Variants in ZFR observed in about 807,000 individuals in gnomAD.
ZFR encodes the protein zinc finger RNA binding protein.
In ZFR, 19 loss-of-function variants were observed where a neutral mutation model predicts 130.7. The observed-to-expected ratio is 0.15, with a 90% CI of 0.10 to 0.21. The LOEUF is 0.21. Ranked by LOEUF, ZFR falls within the 10% of genes least tolerant of loss-of-function variation. The pLI, the probability that ZFR is intolerant of heterozygous loss-of-function variation, is 1.00. For synonymous variants in ZFR, 466 were observed against 456.9 expected, an observed-to-expected ratio of 1.02 and a Z score of -0.25; for missense variants, 872 against 1,321.5, an observed-to-expected ratio of 0.66 and a Z score of 5.27.
intron 18 of ZFR, 40 bp downstream of exon 18, chr5:32,364,124 A>G: frequency 6.3e-7 from 1 of 1,595,378 alleles, no homozygotes; most frequent in East Asian, 2.2e-5. Context: ...GCAAATGAGT[A>G]AACTTCATTT....
chr5:32,411,733 T>C (rs1269717738), intron 5 of ZFR, among the ~76,000 whole-genome samples: 3 of 89,228 alleles, frequency 3.4e-5, no homozygotes, highest in Non-Finnish European at 4.6e-5. Flanking sequence ...ATAGAAAATA[T>C]AATACAAAAC....
chr5:32,444,323 T>A lies in ZFR; in HGVS notation c.43A>T (p.Ser15Cys). 1 of 1,538,622 alleles carries A rather than the reference T, an allele frequency of 6.5e-7. No homozygotes were observed. The highest frequency in any genetic ancestry group is 8.8e-7 in the Non-Finnish European group (1 of 1,141,472). The change falls in exon 2 of 20, where the codon AGC becomes TGC. Residue 15 changes from serine to cysteine, a missense_variant. By Grantham distance (112) the Ser-to-Cys change is moderately radical. Transcript: ENST00000265069. ...ATTTTGGCATCTTCCCCCAGCCGGC[T>A]GGGCACTGCGGCGGGCACGAAGAGT... Reference protein sequence around the residue: ...CPVVSFTYVPSRLGEDAKMAT... With the variant: ...CPVVSFTYVPCRLGEDAKMAT...
chr5:32,386,681 T>G (rs2111726770), intron 14 of ZFR, among the ~76,000 whole-genome samples: 1 of 152,218 alleles, frequency 6.6e-6, no homozygotes, highest in Non-Finnish European at 1.5e-5. Flanking sequence ...ATTTCCCATC[T>G]GGAATAATGG....
chr5:32,386,138 C>A (rs116621749), intron 14 of ZFR, among the ~76,000 whole-genome samples: 1 of 151,988 alleles, frequency 6.6e-6, no homozygotes. Flanking sequence ...CCATTTTATA[C>A]GAACAAATGA....
intron 11 of ZFR, among the ~76,000 whole-genome samples, chr5:32,393,740 A>G (rs1454079743): frequency 6.6e-6 from 1 of 152,166 alleles, no homozygotes; most frequent in African/African-American, 2.4e-5. Flanking sequence ...TGAGACCAAA[A>G]AGTTTGAGAA....
intron 2 of ZFR, among the ~76,000 whole-genome samples, chr5:32,428,720 C>T (rs1018373200): frequency 7.2e-5 from 11 of 152,214 alleles, no homozygotes; most frequent in East Asian, 3.8e-4. Context: ...GAGCGTCCCA[C>T]CAGATGTTGG....
At chr5:32,377,684 G>C (rs1752853122) in intron 17 of ZFR, among the ~76,000 whole-genome samples, 1 of 151,844 alleles carries the variant, frequency 6.6e-6, no homozygotes, top group African/African-American at 2.4e-5. Context: ...CAAAAAATTA[G>C]ATAGCATATA....
At chr5:32,436,398 G>A (rs1001351444) in intron 2 of ZFR, among the ~76,000 whole-genome samples, 9 of 151,804 alleles carry the variant, frequency 5.9e-5, no homozygotes, top group African/African-American at 2.2e-4. Flanking sequence ...TGATCTGCCC[G>A]CCTCAGCCTC....
chr5:32,444,444 G>C, intron 1 of ZFR, 116 bp from the exon 2 acceptor site: 1 of 1,312,648 alleles, frequency 7.6e-7, no homozygotes, highest in Non-Finnish European at 1.0e-6. Context: ...AGCCCTGGCG[G>C]GGCCCAGGCC....
intron 9 of ZFR, among the ~76,000 whole-genome samples, chr5:32,397,680 TC>T: frequency 6.6e-6 from 1 of 152,190 alleles, no homozygotes; most frequent in South Asian, 2.1e-4. Context: ...CAGGCTGGTC[TC>T]AAACTCCTTG....
At chr5:32,372,941 C>T (rs924155791) in intron 17 of ZFR, among the ~76,000 whole-genome samples, 32 of 152,100 alleles carry the variant, frequency 2.1e-4, no homozygotes, top group African/African-American at 7.7e-4. Context: ...TTTTAAATAA[C>T]CATAGTTAAT....
intron 2 of ZFR, among the ~76,000 whole-genome samples, chr5:32,443,843 GGAA>G (rs1754528886): frequency 1.3e-5 from 2 of 152,234 alleles, no homozygotes; most frequent in Non-Finnish European, 2.9e-5. Flanking sequence ...CCCCCAAGTG[GGAA>G]GAAGATGGGA....
rs185802230 is a variant in ZFR at position 32,394,882 on chromosome 5, G to A, written c.1979+277C>T. 2.6e-5 allele frequency among the ~76,000 whole-genome samples: 4 copies of A among 151,996 alleles called. No individual in the cohort carries two copies. The East Asian group carries it at 7.7e-4, about 29-fold the overall frequency. Reference sequence around the variant, plus strand: ...TCTATTTTGCTTGTTTGAAACCGAGGCACTTATTTATAATATGAAACTATT... The same window carrying A: ...TCTATTTTGCTTGTTTGAAACCGAGACACTTATTTATAATATGAAACTATT... On this transcript the variant is annotated intron_variant, in intron 11 of 19. Transcript: ENST00000265069.
At chr5:32,411,445 T>G (rs1178929319) in intron 5 of ZFR, among the ~76,000 whole-genome samples, 1 of 152,020 alleles carries the variant, frequency 6.6e-6, no homozygotes, top group Admixed American at 6.5e-5. Context: ...TCTCAGCACT[T>G]GGAGAGGCCG....
At chr5:32,358,776 A>C (rs2963990) in intron 19 of ZFR, among the ~76,000 whole-genome samples, 95,231 of 151,816 alleles carry the variant, frequency 0.63, 30,289 homozygotes, top group African/African-American at 0.72. Context: ...GCTGAAGGGC[A>C]TATCGAACTA....
At chr5:32,412,794 T>G (rs543821213) in intron 5 of ZFR, among the ~76,000 whole-genome samples, 6 of 152,166 alleles carry the variant, frequency 3.9e-5, no homozygotes, top group Non-Finnish European at 7.4e-5. Context: ...AAAGGAGAGA[T>G]AAAGCAAATT....
At chr5:32,375,708 T>C (rs1293309244) in intron 17 of ZFR, among the ~76,000 whole-genome samples, 1 of 152,114 alleles carries the variant, frequency 6.6e-6, no homozygotes, top group East Asian at 1.9e-4. Flanking sequence ...GGTTTCACCA[T>C]GTTGCCCAAG....
At chr5:32,370,335 GAGAGAGAGAGAGAGAGAGACAGAC>G (rs1251259495) in intron 17 of ZFR, among the ~76,000 whole-genome samples, 2,665 of 72,082 alleles carry the variant, frequency 0.037, 72 homozygotes, top group African/African-American at 0.19. Context: ...GAGAGAGAGA[GAGAGAGAGAGAGAGAGAGACAGAC>G]AGACAGACAG....
intron 17 of ZFR, among the ~76,000 whole-genome samples, chr5:32,370,412 G>A (rs905007794): frequency 8.6e-5 from 13 of 151,350 alleles, no homozygotes; most frequent in Non-Finnish European, 1.2e-4. Context: ...TTGCCCTGTC[G>A]CCCAGGGTGA....
Sources: gnomAD v4.1 joint callset for allele counts (sites outside exome capture counted in the v4.1 genomes callset) on GRCh38, gnomAD v4.1.1 for gene constraint, MANE v1.5 for transcripts, NCBI Gene and HGNC (gene_info 2026-07-23, HGNC 2026-07-21) for gene names.